The following MYO3A variants were observed in gnomAD, a reference collection of about 807,000 sequenced individuals.
MYO3A encodes myosin IIIA.
A neutral mutation model predicts 192.7 loss-of-function variants in MYO3A; 180 were observed. The observed-to-expected ratio is 0.93, with a 90% CI of 0.83 to 1.06. The LOEUF is 1.06. MYO3A is among the 50% of genes least tolerant of loss of function. MYO3A has a pLI of 0.00. For synonymous variants in MYO3A, 628 were observed against 645.3 expected, an observed-to-expected ratio of 0.97 and a Z score of 0.41; for missense variants, 1,896 against 1,905.0, an observed-to-expected ratio of 1.00 and a Z score of 0.09.
Position 26,128,533 on chromosome 10 carries a change from G to A in MYO3A, c.2257G>A (p.Glu753Lys). The change falls in exon 20 of 35, where the codon GAA (glutamate) becomes AAA (lysine). Residue 753 changes from glutamate (E) to lysine (K), a missense_variant. Physicochemically the swap from Glu to Lys is moderately conservative, Grantham distance 56 (BLOSUM62 1). Transcript: ENST00000642920. Reference sequence around the variant, plus strand: ...TTATAATCAACATGTGTTTGCATGGGAACAGGTAAGTCTAAGTACTTACTA... The same window carrying A: ...TTATAATCAACATGTGTTTGCATGGAAACAGGTAAGTCTAAGTACTTACTA... ...YYYNQHVFAW[E>K]QNEYLNEDVD... The A allele has an allele frequency of 1.2e-6, 2 of 1,609,222 alleles. No homozygotes were observed. Among genetic ancestry groups the A allele is most frequent in the Non-Finnish European group, 1.7e-6 (2 of 1,176,966 alleles).
intron 34 of MYO3A, among the ~76,000 whole-genome samples, chr10:26,209,376 A>C (rs1844118827): frequency 6.6e-6 from 1 of 152,212 alleles, no homozygotes; most frequent in African/African-American, 2.4e-5. Context: ...CTTAAAAAAC[A>C]TCCTTGACCC....
intron 6 of MYO3A, among the ~76,000 whole-genome samples, chr10:25,999,904 CT>C (rs576091936): frequency 1.6e-3 from 247 of 152,348 alleles, no homozygotes; most frequent in African/African-American, 5.8e-3. Context: ...ACTTGTCTCT[CT>C]GTTAGATATC....
chr10:26,171,998 G>A (rs1439389732), intron 29 of MYO3A, among the ~76,000 whole-genome samples: 1 of 152,188 alleles, frequency 6.6e-6, no homozygotes, highest in Non-Finnish European at 1.5e-5. Flanking sequence ...ACATGAGTGT[G>A]AGTAAGAAGC....
At chr10:26,068,246 C>T (rs192026618) in intron 11 of MYO3A, among the ~76,000 whole-genome samples, 4 of 151,834 alleles carry the variant, frequency 2.6e-5, no homozygotes, top group East Asian at 1.9e-4. Flanking sequence ...TGGTGGTTTC[C>T]GACATTATCA....
chr10:26,041,689 A>G (rs1843357855), intron 10 of MYO3A, among the ~76,000 whole-genome samples: 1 of 152,100 alleles, frequency 6.6e-6, no homozygotes, highest in African/African-American at 2.4e-5. Context: ...TGCATAAACA[A>G]ACAAACAAAC....
chr10:26,014,099 G>GTAATGGACTTTAGAGACTCAGAA (rs1403527587), intron 6 of MYO3A, among the ~76,000 whole-genome samples: 1 of 151,994 alleles, frequency 6.6e-6, no homozygotes, highest in Non-Finnish European at 1.5e-5. Flanking sequence ...CATGTGTGAT[G>GTAATGGACTTTAGAGACTCAGAA]TAATGGACTT....
intron 26 of MYO3A, 114 bp from the exon 27 acceptor site, chr10:26,165,953 A>C: frequency 1.1e-6 from 1 of 891,416 alleles, no homozygotes; most frequent in Non-Finnish European, 1.9e-6. Context: ...ATTTCTCCGC[A>C]TCAAGTCTGG....
At chr10:26,086,916 G>A (rs1038442491) in intron 14 of MYO3A, among the ~76,000 whole-genome samples, 1 of 152,118 alleles carries the variant, frequency 6.6e-6, no homozygotes, top group Non-Finnish European at 1.5e-5. Context: ...ATGTGGTTCT[G>A]TAGATGTCAG....
Position 26,088,306 on chromosome 10 carries a change from G to T in MYO3A, c.1463G>T (p.Gly488Val). 2 of 1,613,786 alleles carry T rather than the reference G, an allele frequency of 1.2e-6. No individual in the cohort carries two copies. The highest frequency in any genetic ancestry group is 1.7e-6 in the Non-Finnish European group (2 of 1,179,780). ...TIINDNSSRF[G>V]KYLEMKFTSS... ...ATAAATGACAATTCTAGCAGATTTG[G>T]AAAATACTTAGAAATGAAATTCACC... The change falls in exon 15 of 35, where the codon GGA (glycine) becomes GTA (valine). Residue 488 changes from glycine to valine, a missense_variant. Physicochemically the swap from Gly to Val is moderately radical, Grantham distance 109 (BLOSUM62 -3). Coordinates refer to ENST00000642920, the MANE Select transcript of MYO3A (RefSeq NM_017433.5).
intron 14 of MYO3A, among the ~76,000 whole-genome samples, chr10:26,086,648 C>T (rs1836338159): frequency 6.6e-6 from 1 of 152,070 alleles, no homozygotes; most frequent in African/African-American, 2.4e-5. Context: ...TGGTGCTACC[C>T]CAGGTGTCTG....
chr10:26,032,700 T>A (rs920399491), intron 10 of MYO3A, among the ~76,000 whole-genome samples: 3 of 151,892 alleles, frequency 2.0e-5, no homozygotes, highest in African/African-American at 7.2e-5. Flanking sequence ...GGACTTTATG[T>A]AATGTAAATT....
chr10:26,104,337 G>C (rs1449929838), intron 17 of MYO3A, among the ~76,000 whole-genome samples: 1 of 152,066 alleles, frequency 6.6e-6, no homozygotes, highest in African/African-American at 2.4e-5. Flanking sequence ...TTACATTTAG[G>C]TCATTGTTCC....
At chr10:26,021,793 T>C (rs545481301) in intron 8 of MYO3A, 145 bp downstream of exon 8, 68 of 1,101,378 alleles carry the variant, frequency 6.2e-5, no homozygotes, top group Non-Finnish European at 9.0e-5. Context: ...TTCTGCTTCT[T>C]CTGAGACATT....
At chr10:26,037,243 T>C (rs1391155863) in intron 10 of MYO3A, among the ~76,000 whole-genome samples, 3 of 152,250 alleles carry the variant, frequency 2.0e-5, no homozygotes, top group Non-Finnish European at 2.9e-5. Flanking sequence ...CTTAATCATC[T>C]ATGTCTCCAG....
intron 14 of MYO3A, among the ~76,000 whole-genome samples, chr10:26,074,522 C>T (rs143072582): frequency 6.0e-5 from 9 of 150,186 alleles, no homozygotes; most frequent in Non-Finnish European, 1.0e-4. Flanking sequence ...TCTGTTCATG[C>T]ACCAGTGTCA....
chr10:25,974,759 A>G lies in MYO3A; in HGVS notation c.303+19751A>G, dbSNP rs1838873301. On this transcript the variant is annotated intron_variant, in intron 4 of 34. Coordinates refer to ENST00000642920, the MANE Select transcript of MYO3A (RefSeq NM_017433.5). ...CTTAAAATGGCTCTTTATTTTTCCA[A>G]TTTTTAGTAGTTATGGTTGCTTCAC... Among the ~76,000 whole-genome samples, 5 of 152,224 alleles carry G rather than the reference A, an allele frequency of 3.3e-5. 1 individual carries two copies. In the South Asian group the frequency reaches 1.0e-3, roughly 32 times the overall value.
At chr10:26,162,644 G>A (rs997668014) in intron 26 of MYO3A, among the ~76,000 whole-genome samples, 2 of 152,148 alleles carry the variant, frequency 1.3e-5, no homozygotes, top group Admixed American at 6.5e-5. Context: ...TCTTACCAAA[G>A]CATTTGATGC....
intron 23 of MYO3A, among the ~76,000 whole-genome samples, chr10:26,153,117 G>A (rs571615255): frequency 1.6e-4 from 24 of 152,310 alleles, no homozygotes; most frequent in African/African-American, 4.8e-4. Context: ...TGTGCTTGGT[G>A]GGGTGAGAGC....
At chr10:26,152,974 C>A (rs1419860388) in intron 23 of MYO3A, among the ~76,000 whole-genome samples, 1 of 152,210 alleles carries the variant, frequency 6.6e-6, no homozygotes, top group Non-Finnish European at 1.5e-5. Context: ...CAAAAACATT[C>A]AGCCTCTACT....
Sources: gnomAD v4.1 joint callset for allele counts (sites outside exome capture counted in the v4.1 genomes callset) on GRCh38, gnomAD v4.1.1 for gene constraint, MANE v1.5 for transcripts, NCBI Gene and HGNC (gene_info 2026-07-23, HGNC 2026-07-21) for gene names.